PATJ: variants seen among roughly 807,000 people sequenced by gnomAD.
PATJ encodes the protein inaD-like protein.
A neutral mutation model predicts 224.9 loss-of-function variants in PATJ; 190 were observed. That is an observed-to-expected ratio of 0.84 (90% CI 0.75 to 0.95). The LOEUF is 0.95. Ranked by LOEUF, PATJ falls within the 40% of genes least tolerant of loss-of-function variation. The pLI, the probability that PATJ is intolerant of heterozygous loss-of-function variation, is 0.00. For missense variants in PATJ, 2,121 were observed against 2,270.3 expected (o/e 0.93, Z 1.34); for synonymous variants, 769 against 820.3 (o/e 0.94, Z 1.07).
chr1:62,087,108 G>A (rs191309594), intron 33 of PATJ, among the ~76,000 whole-genome samples: 3 of 152,142 alleles, frequency 2.0e-5, no homozygotes, highest in Middle Eastern at 3.4e-3. Context: ...CCTGTCCGGC[G>A]TCCGAGAAGA....
intron 28 of PATJ, among the ~76,000 whole-genome samples, chr1:61,995,992 A>G (rs536939036): frequency 9.2e-5 from 14 of 152,352 alleles, no homozygotes; most frequent in African/African-American, 3.1e-4. Context: ...GAGGTGCACA[A>G]TTGATTGGGC....
intron 19 of PATJ, among the ~76,000 whole-genome samples, chr1:61,863,182 A>G (rs1334269279): frequency 6.6e-6 from 1 of 151,836 alleles, no homozygotes; most frequent in Non-Finnish European, 1.5e-5. Context: ...CCACAGGCGC[A>G]TGCCACCATG....
At chr1:61,974,401 CTCTCTTTTTTTT>C in intron 27 of PATJ, among the ~76,000 whole-genome samples, 1 of 136,416 alleles carries the variant, frequency 7.3e-6, no homozygotes, top group Non-Finnish European at 1.5e-5. Context: ...CTCTCTCTCT[CTCTCTTTTTTTT>C]TTTTTTTTTT....
intron 26 of PATJ, among the ~76,000 whole-genome samples, chr1:61,924,655 A>C (rs61216561): frequency 0.048 from 7,336 of 152,284 alleles, 594 homozygotes; most frequent in African/African-American, 0.17. Context: ...ATGCTCACTT[A>C]TATAAACCAA....
chr1:61,805,410 A>G (rs1653326221), intron 12 of PATJ, 38 bp from the exon 13 acceptor site: 1 of 1,342,466 alleles, frequency 7.4e-7, no homozygotes, highest in Admixed American at 1.7e-5. Flanking sequence ...AGTAGTTTCA[A>G]CATTCTCTCG....
At chr1:62,027,216 T>G (rs1461377836) in intron 29 of PATJ, among the ~76,000 whole-genome samples, 1 of 152,256 alleles carries the variant, frequency 6.6e-6, no homozygotes, top group African/African-American at 2.4e-5. Context: ...AGTGGACTCA[T>G]GCAGTATTTG....
chr1:61,940,455 G>A (rs927053301), intron 27 of PATJ, among the ~76,000 whole-genome samples: 4 of 152,032 alleles, frequency 2.6e-5, no homozygotes, highest in Non-Finnish European at 4.4e-5. Context: ...AGTGGTTCAC[G>A]CCAGTAATCC....
chr1:61,886,192 T>C (rs563612229), intron 22 of PATJ, among the ~76,000 whole-genome samples: 5 of 149,930 alleles, frequency 3.3e-5, no homozygotes, highest in Admixed American at 6.6e-5. Context: ...AAAAAAAAGA[T>C]TGGAGTCCTG....
chr1:61,808,211 A>G lies in PATJ; in HGVS notation c.1627-263A>G, dbSNP rs574220863. Among the ~76,000 whole-genome samples the G allele has an allele frequency of 3.0e-4, 46 of 152,322 alleles. 1 individual carries two copies. The highest frequency in any genetic ancestry group is 1.1e-3 in the African/African-American group (45 of 41,566). ...TTTTAGGGGTCATGGATTTTTAAAAATAGTATATATATGTGCCCATCACCT... is the reference window on the plus strand; with the variant it reads ...TTTTAGGGGTCATGGATTTTTAAAAGTAGTATATATATGTGCCCATCACCT... On this transcript the variant is annotated intron_variant, in intron 13 of 43. Coordinates refer to ENST00000642238, the MANE Select transcript of PATJ (RefSeq NM_001350145.3).
At chr1:61,780,427 A>T (rs752302759) in intron 7 of PATJ, among the ~76,000 whole-genome samples, 46 of 152,146 alleles carry the variant, frequency 3.0e-4, no homozygotes, top group Non-Finnish European at 4.1e-4. Context: ...ATCACGCCAC[A>T]GCACTGCAGC....
chr1:61,855,806 C>T (rs1663561321), intron 17 of PATJ, among the ~76,000 whole-genome samples: 1 of 152,148 alleles, frequency 6.6e-6, no homozygotes, highest in Admixed American at 6.6e-5. Flanking sequence ...GCAGTCCTCC[C>T]ACCTCAGCCT....
intron 41 of PATJ, among the ~76,000 whole-genome samples, chr1:62,136,129 G>A (rs1203636040): frequency 7.3e-6 from 1 of 136,096 alleles, no homozygotes; most frequent in Admixed American, 8.4e-5. Context: ...CTGGGTTTAA[G>A]CAATTCTCCT....
At chr1:61,959,707 G>C (rs1298692677) in intron 27 of PATJ, among the ~76,000 whole-genome samples, 2 of 152,030 alleles carry the variant, frequency 1.3e-5, no homozygotes, top group Admixed American at 1.3e-4. Context: ...CTCCCAGAGT[G>C]CTTGGAGCCA....
At chr1:62,132,224 A>C (rs1666336102) in intron 41 of PATJ, among the ~76,000 whole-genome samples, 1 of 152,228 alleles carries the variant, frequency 6.6e-6, no homozygotes, top group South Asian at 2.1e-4. Flanking sequence ...TATCTTCCAC[A>C]ATAAGAAGTG....
At chr1:62,070,408 A>G (rs1331689082) in intron 31 of PATJ, among the ~76,000 whole-genome samples, 1 of 152,178 alleles carries the variant, frequency 6.6e-6, no homozygotes, top group Non-Finnish European at 1.5e-5. Context: ...GGGTGCATTT[A>G]AGATTTAAGT....
intron 7 of PATJ, among the ~76,000 whole-genome samples, chr1:61,786,350 CTAA>C (rs1648517144): frequency 1.3e-5 from 2 of 152,122 alleles, no homozygotes; most frequent in South Asian, 4.2e-4. Flanking sequence ...CTCCTATGTG[CTAA>C]TGACCCGCAA....
rs1655264690 is a variant in PATJ at position 61,813,350 on chromosome 1, T to TAG, written c.1683+4821_1683+4822insGA. Among the ~76,000 whole-genome samples the TAG allele has an allele frequency of 1.5e-4, 6 of 40,730 alleles. No individual in the cohort carries two copies. The South Asian group carries it at 2.4e-3, about 16-fold the overall frequency. The allele number at this position is 40,730 out of a possible 152,430, so 26.7% of individuals were successfully genotyped here. ...TGGAATGTACATATATATATATATA[T>TAG]ATATATATATATATATATATATATA... On this transcript the variant is annotated intron_variant, in intron 14 of 43. Transcript: ENST00000642238.
chr1:61,813,361 A>G (rs909100989), intron 14 of PATJ, among the ~76,000 whole-genome samples: 1 of 48,210 alleles, frequency 2.1e-5, no homozygotes, highest in Non-Finnish European at 4.2e-5. Context: ...ATATATATAT[A>G]TATATATATA....
chr1:62,159,381 A>G (rs535012495), intron 43 of PATJ, among the ~76,000 whole-genome samples: 16 of 152,110 alleles, frequency 1.1e-4, no homozygotes, highest in Admixed American at 8.5e-4. Context: ...TAGTAGAGAC[A>G]GGATTTCACC....
Sources: gnomAD v4.1 joint callset for allele counts (sites outside exome capture counted in the v4.1 genomes callset) on GRCh38, gnomAD v4.1.1 for gene constraint, MANE v1.5 for transcripts, NCBI Gene and HGNC (gene_info 2026-07-23, HGNC 2026-07-21) for gene names.